Variants in WAC observed in about 807,000 individuals in gnomAD.
WAC encodes the protein WW domain-containing adapter protein with coiled-coil.
A neutral mutation model predicts 79.6 loss-of-function variants in WAC; 11 were observed. The observed-to-expected ratio is 0.14, with a 90% CI of 0.09 to 0.23. The LOEUF (loss-of-function observed/expected upper bound fraction) is 0.23, where lower values mean the gene tolerates loss of function less well. Among genes scored for constraint, WAC ranks in the 10% least tolerant of loss-of-function variants. WAC has a pLI of 1.00. For synonymous variants in WAC, 304 were observed against 276.9 expected, an observed-to-expected ratio of 1.10 and a Z score of -0.97; for missense variants, 728 against 773.5, an observed-to-expected ratio of 0.94 and a Z score of 0.70.
chr10:28,573,479 T>G (rs1047207021), intron 3 of WAC, among the ~76,000 whole-genome samples: 57 of 152,198 alleles, frequency 3.7e-4, no homozygotes, highest in Admixed American at 3.7e-3. Context: ...AGGCTTTCGC[T>G]TCCTAGGTTA....
intron 3 of WAC, among the ~76,000 whole-genome samples, chr10:28,582,215 T>G (rs1204214160): frequency 6.6e-6 from 1 of 152,224 alleles, no homozygotes; most frequent in Non-Finnish European, 1.5e-5. Flanking sequence ...ACTTTTTTAG[T>G]GCCTGCTGCT....
Position 28,608,597 on chromosome 10 carries a change from C to T in WAC, c.1165+166C>T, listed in dbSNP as rs577844882. The T allele has an allele frequency of 7.9e-5, 56 of 711,254 alleles. 2 individuals carry two copies. Among genetic ancestry groups the T allele is most frequent in the South Asian group, 7.0e-4 (35 of 50,258 alleles). The allele number at this position is 711,254 out of a possible 1,614,324, so 44.1% of individuals were successfully genotyped here. On this transcript the variant is annotated intron_variant, in intron 8 of 13. Transcript: ENST00000354911. ...TTTGGAGTTTGGAAATTTATATCCA[C>T]TGTAGTTTAAGACCATTGGTAGTAT...
chr10:28,587,247 T>A (rs1839864966), intron 4 of WAC, among the ~76,000 whole-genome samples: 1 of 152,196 alleles, frequency 6.6e-6, no homozygotes, highest in South Asian at 2.1e-4. Context: ...AAAGTAATTT[T>A]TAAAAAAATA....
At chr10:28,555,276 G>A (rs571506206) in intron 3 of WAC, among the ~76,000 whole-genome samples, 49 of 152,216 alleles carry the variant, frequency 3.2e-4, no homozygotes, top group Middle Eastern at 6.8e-3. Flanking sequence ...CTCCTGCCTA[G>A]CCCCCTTACC....
chr10:28,595,067 T>C (rs752583216), intron 6 of WAC, among the ~76,000 whole-genome samples: 1 of 152,226 alleles, frequency 6.6e-6, no homozygotes, highest in Non-Finnish European at 1.5e-5. Context: ...GGTGTTGGAC[T>C]TCTATTTTCA....
chr10:28,542,734 T>A (rs1355817266), intron 3 of WAC, among the ~76,000 whole-genome samples: 2 of 152,378 alleles, frequency 1.3e-5, no homozygotes, highest in Non-Finnish European at 2.9e-5. Context: ...TGTGTCTGCC[T>A]TGTAAATTCC....
chr10:28,621,673 C>G lies in WAC; in HGVS notation c.*2067C>G, dbSNP rs1380175337. 2 of 152,172 alleles carry G rather than the reference C, an allele frequency of 1.3e-5. No individual in the cohort carries two copies. Among genetic ancestry groups the G allele is most frequent in the Non-Finnish European group, 2.9e-5 (2 of 68,032 alleles). 9.4% of individuals were successfully genotyped at this position (152,172 alleles called of 1,614,324 possible). A position where few individuals can be genotyped will look rare whatever the true frequency, so the allele number is the denominator to read the frequency against. On this transcript the variant is annotated 3_prime_UTR_variant, in exon 14 of 14. Coordinates refer to ENST00000354911, the MANE Select transcript of WAC (RefSeq NM_016628.5). The stretch of plus-strand genomic sequence containing the variant: ...AGCTAGAAACCTTACTGTATCTTTC[C>G]TGGAAAGAAGTGAGCAATTTGTTGT...
chr10:28,558,189 T>C (rs894882315), intron 3 of WAC, among the ~76,000 whole-genome samples: 1 of 152,236 alleles, frequency 6.6e-6, no homozygotes, highest in African/African-American at 2.4e-5. Context: ...ACTCAATCTT[T>C]AGAGAGAAAA....
At chr10:28,574,255 C>G (rs1332902331) in intron 3 of WAC, among the ~76,000 whole-genome samples, 3 of 152,146 alleles carry the variant, frequency 2.0e-5, no homozygotes, top group Non-Finnish European at 1.5e-5. Flanking sequence ...TCCAGTGATT[C>G]TCCTGCCTCT....
At chr10:28,538,689 A>C (rs1564370861) in intron 3 of WAC, among the ~76,000 whole-genome samples, 1 of 150,752 alleles carries the variant, frequency 6.6e-6, no homozygotes. Context: ...CAGGAGTTTG[A>C]GACTAGCCTT....
At chr10:28,583,151 G>T (rs1839626626) in intron 3 of WAC, among the ~76,000 whole-genome samples, 2 of 151,966 alleles carry the variant, frequency 1.3e-5, no homozygotes, top group African/African-American at 4.8e-5. Flanking sequence ...CTCTCAAAAA[G>T]GTTGTTATAT....
intron 8 of WAC, 110 bp from the exon 9 acceptor site, chr10:28,610,589 C>G (rs1841189461): frequency 3.4e-6 from 4 of 1,162,660 alleles, no homozygotes; most frequent in East Asian, 2.6e-5. Flanking sequence ...TTTGAGAGTT[C>G]TAGGTTGAAA....
intron 2 of WAC, 31 bp from the exon 3 acceptor site, chr10:28,535,531 T>C: frequency 1.3e-6 from 2 of 1,527,768 alleles, no homozygotes; most frequent in Non-Finnish European, 1.8e-6. Context: ...CAATTCTTTC[T>C]CTCTTTTTTT....
chr10:28,534,343 A>T lies in WAC; in HGVS notation c.78+309A>T, dbSNP rs141301671. On this transcript the variant is annotated intron_variant, in intron 2 of 13. Coordinates refer to ENST00000354911, the MANE Select transcript of WAC (RefSeq NM_016628.5). ...GTGAAGGAATCGATGGGATGAGATG[A>T]TAGGTGACTTACGAGGCTTATTTAT... 500 of 348,364 alleles carry T rather than the reference A, an allele frequency of 1.4e-3. 1 individual carries two copies. Among genetic ancestry groups the T allele is most frequent in the African/African-American group, 9.8e-3 (463 of 47,302 alleles). 21.6% of individuals were successfully genotyped at this position (348,364 alleles called of 1,614,324 possible). A position where few individuals can be genotyped will look rare whatever the true frequency, so the allele number is the denominator to read the frequency against.
chr10:28,533,738 G>T (rs1836422136), intron 1 of WAC, 118 bp downstream of exon 1: 1 of 1,263,786 alleles, frequency 7.9e-7, no homozygotes. Context: ...GATCCGGATC[G>T]GGTTGGGGAG....
At chr10:28,533,823 GC>G in intron 1 of WAC, 174 bp from the exon 2 acceptor site, 2 of 985,030 alleles carry the variant, frequency 2.0e-6, no homozygotes, top group Non-Finnish European at 2.9e-6. Context: ...GCGGCATTTC[GC>G]CCTCTCCGGC....
intron 3 of WAC, among the ~76,000 whole-genome samples, chr10:28,543,534 CTGAGGAATG>C (rs1837177871): frequency 6.6e-6 from 1 of 152,208 alleles, no homozygotes; most frequent in African/African-American, 2.4e-5. Flanking sequence ...CAATGCGGTT[CTGAGGAATG>C]TGATCGCCCT....
At chr10:28,604,497 C>T (rs955112050) in intron 7 of WAC, among the ~76,000 whole-genome samples, 4 of 152,016 alleles carry the variant, frequency 2.6e-5, no homozygotes, top group Non-Finnish European at 4.4e-5. Context: ...TTTGGGAAGC[C>T]GAGGTGAACA....
chr10:28,614,388 CA>C (rs1841386339), intron 10 of WAC, among the ~76,000 whole-genome samples, 178 bp from the exon 11 acceptor site: 1 of 152,224 alleles, frequency 6.6e-6, no homozygotes, highest in Non-Finnish European at 1.5e-5. Flanking sequence ...CCACCGCGCC[CA>C]GCCCTAGTTT....
Sources: allele counts gnomAD v4.1 joint callset (sites outside exome capture counted in the v4.1 genomes callset), GRCh38; gene constraint gnomAD v4.1.1; transcripts MANE v1.5; gene names NCBI Gene and HGNC (gene_info 2026-07-23, HGNC 2026-07-21).